Variants in MYLK observed in about 807,000 individuals in gnomAD.
MYLK encodes the protein myosin light chain kinase, also known as myosin light chain kinase, smooth muscle.
A neutral mutation model predicts 203.4 loss-of-function variants in MYLK; 106 were observed. The ratio of observed to expected loss-of-function variants is 0.52; its 90% confidence interval spans 0.45 to 0.61. MYLK has a LOEUF of 0.61. Ranked by LOEUF, MYLK falls within the 20% of genes least tolerant of loss-of-function variation. The pLI is 0.00. For synonymous variants in MYLK, 867 were observed against 959.5 expected, an observed-to-expected ratio of 0.90 and a Z score of 1.78; for missense variants, 2,072 against 2,442.3, an observed-to-expected ratio of 0.85 and a Z score of 3.20.
chr3:123,649,327 G>A, intron 24 of MYLK, 133 bp from the exon 25 acceptor site: 1 of 1,173,412 alleles, frequency 8.5e-7, no homozygotes. Context: ...CCAGAGCTCT[G>A]GGCATCCCCT....
At position 123,633,845 on chromosome 3, in the gene MYLK, G is replaced by A. The variant is rs146610360; in HGVS notation, c.4962-4219C>T. ...CTACACTTTCTGTGTGTGTGTGTGC[G>A]TGTATGTGTGTGGGTTTTAAGAAAT... On this transcript the variant is annotated intron_variant, in intron 29 of 33. Transcript: ENST00000360304. Among the ~76,000 whole-genome samples, 833 of 152,256 alleles carry A rather than the reference G, an allele frequency of 5.5e-3. 7 individuals are homozygous for A. The highest frequency in any genetic ancestry group is 0.019 in the African/African-American group (787 of 41,540).
At chr3:123,773,543 G>T (rs1244048956) in intron 4 of MYLK, among the ~76,000 whole-genome samples, 4 of 152,212 alleles carry the variant, frequency 2.6e-5, no homozygotes, top group African/African-American at 9.7e-5. Flanking sequence ...TAAGGGAGTG[G>T]CATGCCATAT....
At position 123,642,369 on chromosome 3, in the gene MYLK, A is replaced by G. The variant is rs983788732; in HGVS notation, c.4620-1865T>C. Reference sequence around the variant, plus strand: ...AGAAGGTGCTCAACACTTATTACTTATCGTTTGATAAGCTGTGGTGGGCTA... The same window carrying G: ...AGAAGGTGCTCAACACTTATTACTTGTCGTTTGATAAGCTGTGGTGGGCTA... On this transcript the variant is annotated intron_variant, in intron 27 of 33. Coordinates refer to ENST00000360304, the MANE Select transcript of MYLK (RefSeq NM_053025.4). The surrounding 1 kb of genome is among the most constrained non-coding windows in gnomAD (Gnocchi z 4.2). 2.6e-5 allele frequency among the ~76,000 whole-genome samples: 4 copies of G among 152,092 alleles called. No homozygotes were observed. Among genetic ancestry groups the G allele is most frequent in the Non-Finnish European group, 4.4e-5 (3 of 68,014 alleles).
intron 6 of MYLK, among the ~76,000 whole-genome samples, 161 bp downstream of exon 6, chr3:123,739,792 G>T (rs1246615563): frequency 1.3e-5 from 2 of 152,218 alleles, no homozygotes; most frequent in African/African-American, 4.8e-5. Flanking sequence ...AGGCAGCCAG[G>T]TCAGGAGGTG....
intron 4 of MYLK, among the ~76,000 whole-genome samples, chr3:123,770,759 A>G (rs147613272): frequency 6.6e-6 from 1 of 152,360 alleles, no homozygotes; most frequent in East Asian, 1.9e-4. Flanking sequence ...CTTCAAATGT[A>G]TGATGAGCTC....
At chr3:123,748,984 G>T (rs1301464777) in intron 5 of MYLK, among the ~76,000 whole-genome samples, 1 of 152,124 alleles carries the variant, frequency 6.6e-6, no homozygotes, top group Non-Finnish European at 1.5e-5. Flanking sequence ...CAGAAGAATT[G>T]TTTGAACCCA....
chr3:123,637,831 G>T (rs970909976), intron 29 of MYLK, among the ~76,000 whole-genome samples: 11 of 152,244 alleles, frequency 7.2e-5, no homozygotes, highest in African/African-American at 2.6e-4. Flanking sequence ...CCAGAATGGG[G>T]ATCTTAGCAT....
At chr3:123,685,617 A>C (rs1470107969) in intron 19 of MYLK, among the ~76,000 whole-genome samples, 3 of 151,074 alleles carry the variant, frequency 2.0e-5, no homozygotes, top group African/African-American at 7.3e-5. Flanking sequence ...AAAATGAAAA[A>C]AAAAAAAAAA....
At chr3:123,647,151 G>T in intron 27 of MYLK, 73 bp downstream of exon 27, 1 of 1,382,990 alleles carries the variant, frequency 7.2e-7, no homozygotes, top group Non-Finnish European at 1.0e-6. Flanking sequence ...AGAGGTGGCT[G>T]GGGTAGGGCA....
rs2062583745 is a variant in MYLK at position 123,733,942 on chromosome 3, C to T, written c.1054G>A (p.Val352Ile). Residue 352 changes from valine to isoleucine, a missense_variant, in exon 10 of 34, where the codon GTT becomes ATT. Around this residue, in one of 3 missense-constraint regions of MYLK, gnomAD observed 683 missense variants for 643.8 expected, o/e 1.06. Coordinates refer to ENST00000360304, the MANE Select transcript of MYLK (RefSeq NM_053025.4). Reference sequence around the variant, plus strand: ...CCTGGTGCTCTTGGTTCCGGCTGAACTCTTGCGGCCTGCAGGGTGATGGAG... The same window carrying T: ...CCTGGTGCTCTTGGTTCCGGCTGAATTCTTGCGGCCTGCAGGGTGATGGAG... ...SSSITLQAAR[V>I]QPEPRAPGLG... is the part of the protein sequence containing the mutation. 3 of 1,614,078 alleles carry T rather than the reference C, an allele frequency of 1.9e-6. No homozygotes were observed. Among genetic ancestry groups the T allele is most frequent in the South Asian group, 1.1e-5 (1 of 91,078 alleles).
chr3:123,610,163 A>C lies in MYLK; in HGVS notation c.*3942T>G, dbSNP rs1204485650. On this transcript the variant is annotated 3_prime_UTR_variant, in exon 34 of 34. Coordinates refer to ENST00000360304, the MANE Select transcript of MYLK (RefSeq NM_053025.4). ...TCACATAATTTGAAAAGTGATGTAC[A>C]TGTGACTGTCGAGCATTTGAAATGT... is the stretch of plus-strand genomic sequence containing the variant. 6 of 152,248 alleles carry C rather than the reference A, an allele frequency of 3.9e-5. No individual in the cohort carries two copies. The highest frequency in any genetic ancestry group is 8.8e-5 in the Non-Finnish European group (6 of 68,046). 9.4% of individuals were successfully genotyped at this position (152,248 alleles called of 1,614,324 possible).
chr3:123,878,475 C>A (rs1052676201), intron 1 of MYLK, among the ~76,000 whole-genome samples: 6 of 152,128 alleles, frequency 3.9e-5, no homozygotes, highest in Non-Finnish European at 8.8e-5. Flanking sequence ...TGATCACAGG[C>A]CAGATAAAGG....
At position 123,734,017 on chromosome 3, in the gene MYLK, C is replaced by T. The variant is rs748066216; in HGVS notation, c.979G>A (p.Asp327Asn). Residue 327 changes from aspartate (D) to asparagine (N), a missense_variant, in exon 10 of 34, where the codon GAC becomes AAC. Transcript: ENST00000360304. ...PRESKLESCK[D>N]SPRTAPQTPV... Reference sequence around the variant, plus strand: ...GTCTGCGGGGCCGTTCTGGGCGAGTCCTTGCATGACTCCAGCTTGGACTCC... The same window carrying T: ...GTCTGCGGGGCCGTTCTGGGCGAGTTCTTGCATGACTCCAGCTTGGACTCC... 6.2e-7 allele frequency: 1 copy of T among 1,614,222 alleles called. No homozygotes were observed. Among genetic ancestry groups the T allele is most frequent in the East Asian group, 2.2e-5 (1 of 44,876 alleles).
chr3:123,805,422 G>A (rs2065334770), intron 3 of MYLK, among the ~76,000 whole-genome samples: 1 of 152,186 alleles, frequency 6.6e-6, no homozygotes, highest in African/African-American at 2.4e-5. Flanking sequence ...GCCGAGACTG[G>A]GTTTCTCCAA....
intron 11 of MYLK, among the ~76,000 whole-genome samples, chr3:123,726,431 G>T (rs1488891381): frequency 6.6e-6 from 1 of 152,096 alleles, no homozygotes; most frequent in Non-Finnish European, 1.5e-5. Context: ...CCTGCTTGTT[G>T]GTCCTACTCT....
chr3:123,611,439 G>GTGA lies in MYLK; in HGVS notation c.*2663_*2665dup, dbSNP rs71274255. The GTGA allele has an allele frequency of 7.1e-3, 1,067 of 150,666 alleles. 9 individuals carry two copies. The highest frequency in any genetic ancestry group is 0.013 in the African/African-American group (509 of 40,710). 9.3% of individuals were successfully genotyped at this position (150,666 alleles called of 1,614,324 possible). ...CATGCCCTGGTAAATAGTATCATCA[G>GTGA]TGATGATGATGATGATGATGATGAT... On this transcript the variant is annotated 3_prime_UTR_variant, in exon 34 of 34. Coordinates refer to ENST00000360304, the MANE Select transcript of MYLK (RefSeq NM_053025.4).
intron 20 of MYLK, among the ~76,000 whole-genome samples, chr3:123,675,573 G>A (rs1205891681): frequency 6.6e-6 from 1 of 152,232 alleles, no homozygotes; most frequent in Non-Finnish European, 1.5e-5. Flanking sequence ...GAGAATTAGG[G>A]AACTAGCCTT....
At chr3:123,765,212 A>G (rs888940451) in intron 4 of MYLK, among the ~76,000 whole-genome samples, 1 of 152,196 alleles carries the variant, frequency 6.6e-6, no homozygotes, top group African/African-American at 2.4e-5. Flanking sequence ...ACTTAAAATA[A>G]TTGAAAGCAG....
intron 5 of MYLK, among the ~76,000 whole-genome samples, chr3:123,747,348 C>T (rs576387728): frequency 2.6e-4 from 40 of 152,218 alleles, no homozygotes; most frequent in African/African-American, 8.4e-4. Context: ...GTCTGCACTG[C>T]AGTAGTTTCA....
Sources: gnomAD v4.1 joint callset for allele counts (sites outside exome capture counted in the v4.1 genomes callset) on GRCh38, gnomAD v4.1.1 for gene constraint, gnomAD v4.1.1 regional missense constraint, Gnocchi (gnomAD v3.1) non-coding constraint, MANE v1.5 for transcripts, NCBI Gene and HGNC (gene_info 2026-07-23, HGNC 2026-07-21) for gene names.